Variants in FAF1 observed in about 807,000 individuals in gnomAD.
FAF1 encodes the protein Fas associated factor 1.
In FAF1, 25 loss-of-function variants were observed where a neutral mutation model predicts 92.5. The observed-to-expected ratio is 0.27, with a 90% CI of 0.20 to 0.38. The LOEUF (loss-of-function observed/expected upper bound fraction) is 0.38, where lower values mean the gene tolerates loss of function less well. Ranked by LOEUF, FAF1 falls within the 10% of genes least tolerant of loss-of-function variation. The pLI, the probability that FAF1 is intolerant of heterozygous loss-of-function variation, is 1.00. For synonymous variants in FAF1, 234 were observed against 273.2 expected (o/e 0.86, Z 1.42); for missense variants, 636 against 793.3 (o/e 0.80, Z 2.38).
At chr1:50,606,424 C>T (rs1214399765) in intron 8 of FAF1, among the ~76,000 whole-genome samples, 1 of 148,856 alleles carries the variant, frequency 6.7e-6, no homozygotes, top group East Asian at 2.0e-4. Flanking sequence ...TCCCACATAA[C>T]ATTCTTGTGA....
chr1:50,878,838 A>T lies in FAF1; in HGVS notation c.46-20841T>A, dbSNP rs943649284. ...TTATGACCATTTTAACAATGAGATT[A>T]AGCAATGAGCCCAGAATCACAGTGT... On this transcript the variant is annotated intron_variant, in intron 1 of 18. Transcript: ENST00000396153. Among the ~76,000 whole-genome samples the T allele has an allele frequency of 2.0e-5, 3 of 152,316 alleles. No homozygotes were observed. In the East Asian group the frequency reaches 5.8e-4, roughly 29 times the overall value.
chr1:50,786,626 T>C (rs1266992209), intron 4 of FAF1, among the ~76,000 whole-genome samples: 1 of 152,190 alleles, frequency 6.6e-6, no homozygotes, highest in Non-Finnish European at 1.5e-5. Flanking sequence ...AGGAGAATAT[T>C]TGGGGGCATG....
intron 4 of FAF1, among the ~76,000 whole-genome samples, chr1:50,766,668 A>G (rs554390189): frequency 6.6e-6 from 1 of 152,140 alleles, no homozygotes; most frequent in Admixed American, 6.6e-5. Context: ...ACAGGTATTC[A>G]TTCTTGGCCC....
At chr1:50,713,345 TTCACTGCAACCTCCGCCTCCCAGGA>T in intron 6 of FAF1, among the ~76,000 whole-genome samples, 2 of 151,746 alleles carry the variant, frequency 1.3e-5, no homozygotes, top group South Asian at 4.2e-4. Flanking sequence ...ACGATCTAGG[TTCACTGCAACCTCCGCCTCCCAGGA>T]TCAAGCGATT....
rs541163300 is a variant in FAF1, at chr1:50,808,663, A to C, written c.115-6986T>G. 7.9e-5 allele frequency among the ~76,000 whole-genome samples: 12 copies of C among 152,156 alleles called. No individual in the cohort carries two copies. In the South Asian group the frequency reaches 2.5e-3, roughly 32 times the overall value. The stretch of plus-strand genomic sequence containing the variant: ...CTTTAAATCAATAAAGATTTAAAAA[A>C]AAAAAAAAAACTTTTCTCCCTAACA... On this transcript the variant is annotated intron_variant, in intron 2 of 18. Transcript: ENST00000396153.
chr1:50,927,913 C>A (rs1431760766), intron 1 of FAF1, among the ~76,000 whole-genome samples: 2 of 152,086 alleles, frequency 1.3e-5, no homozygotes, highest in African/African-American at 2.4e-5. Flanking sequence ...ATATTCTGTT[C>A]TTTTAACCAA....
rs537132977 is a variant in FAF1 at position 50,643,577 on chromosome 1, CTTTG to C, written c.744+11861_744+11864del. ...ATATTATTTATCTCTAGAAGTGTTA[CTTTG>C]TTCTTTTAAAAAAAATTTTTCTTTT... On this transcript the variant is annotated intron_variant, in intron 8 of 18. Transcript: ENST00000396153. Among the ~76,000 whole-genome samples the C allele has an allele frequency of 5.5e-3, 843 of 152,128 alleles. 6 individuals carry two copies. Among genetic ancestry groups the C allele is most frequent in the South Asian group, 9.5e-3 (46 of 4,818 alleles).
intron 5 of FAF1, among the ~76,000 whole-genome samples, chr1:50,739,394 T>TACACGTACATACATATACATA (rs1557502937): frequency 7.9e-6 from 1 of 126,714 alleles, no homozygotes; most frequent in African/African-American, 3.2e-5. Context: ...ATATGTGTGT[T>TACACGTACATACATATACATA]TATGTGTATG....
intron 1 of FAF1, among the ~76,000 whole-genome samples, chr1:50,871,858 G>A (rs1344226003): frequency 5.9e-5 from 9 of 152,208 alleles, no homozygotes; most frequent in Non-Finnish European, 1.5e-5. Flanking sequence ...GAGGTCAGGA[G>A]ATCGAGACCA....
intron 4 of FAF1, among the ~76,000 whole-genome samples, chr1:50,753,287 C>A (rs1659941436): frequency 6.6e-6 from 1 of 152,180 alleles, no homozygotes; most frequent in Non-Finnish European, 1.5e-5. Context: ...ATTCTGGATT[C>A]TTTCACTCAA....
intron 4 of FAF1, among the ~76,000 whole-genome samples, chr1:50,775,180 T>G (rs924531481): frequency 2.0e-5 from 3 of 152,130 alleles, no homozygotes; most frequent in African/African-American, 7.2e-5. Flanking sequence ...TCACATAAAC[T>G]TTAATGAGTG....
At chr1:50,492,084 T>C (rs1646844657) in intron 15 of FAF1, among the ~76,000 whole-genome samples, 1 of 152,188 alleles carries the variant, frequency 6.6e-6, no homozygotes, top group Admixed American at 6.5e-5. Context: ...AAAACAGAAA[T>C]AATATTTGTC....
At chr1:50,511,367 G>C (rs1338712833) in intron 15 of FAF1, among the ~76,000 whole-genome samples, 1 of 152,056 alleles carries the variant, frequency 6.6e-6, no homozygotes, top group Non-Finnish European at 1.5e-5. Context: ...TCTACATTAG[G>C]TATTTCTCCT....
intron 4 of FAF1, among the ~76,000 whole-genome samples, chr1:50,768,176 C>T (rs977027168): frequency 6.6e-6 from 1 of 151,890 alleles, no homozygotes; most frequent in African/African-American, 2.4e-5. Context: ...CACCTTAAAC[C>T]AAAAAGATTA....
intron 7 of FAF1, among the ~76,000 whole-genome samples, chr1:50,705,249 G>T (rs1657627153): frequency 6.6e-6 from 1 of 152,170 alleles, no homozygotes; most frequent in Non-Finnish European, 1.5e-5. Context: ...GCCCTGGTTG[G>T]TCGTGTTGAA....
chr1:50,948,306 T>C (rs1645186449), intron 1 of FAF1, among the ~76,000 whole-genome samples: 1 of 152,192 alleles, frequency 6.6e-6, no homozygotes, highest in Non-Finnish European at 1.5e-5. Context: ...GGGTAATTTA[T>C]ACAGAAAAGA....
At chr1:50,617,814 T>A (rs1652998513) in intron 8 of FAF1, among the ~76,000 whole-genome samples, 1 of 151,952 alleles carries the variant, frequency 6.6e-6, no homozygotes, top group South Asian at 2.1e-4. Flanking sequence ...GCAAGTTTTT[T>A]ATTATTTATT....
At chr1:50,461,187 C>A (rs1390504674) in intron 18 of FAF1, among the ~76,000 whole-genome samples, 1 of 152,138 alleles carries the variant, frequency 6.6e-6, no homozygotes, top group East Asian at 1.9e-4. Flanking sequence ...CTCCCCACAG[C>A]CTATAGAATA....
intron 13 of FAF1, among the ~76,000 whole-genome samples, chr1:50,542,701 A>G (rs1245134113): frequency 6.6e-6 from 1 of 152,246 alleles, no homozygotes; most frequent in Non-Finnish European, 1.5e-5. Context: ...AAACCACTCT[A>G]CAACAAAGGG....
Sources: allele counts gnomAD v4.1 joint callset (sites outside exome capture counted in the v4.1 genomes callset), GRCh38; gene constraint gnomAD v4.1.1; transcripts MANE v1.5; gene names NCBI Gene and HGNC (gene_info 2026-07-23, HGNC 2026-07-21).